CASK: variants seen among roughly 807,000 people sequenced by gnomAD.
CASK encodes the protein calcium/calmodulin dependent serine protein kinase.
In CASK, 4 loss-of-function variants were observed where a neutral mutation model predicts 82.9. The ratio of observed to expected loss-of-function variants is 0.05; its 90% CI spans 0.02 to 0.11. The LOEUF (loss-of-function observed/expected upper bound fraction) is 0.11. Ranked by LOEUF, CASK falls within the 10% of genes least tolerant of loss-of-function variation. The probability of loss-of-function intolerance (pLI) is 1.00; values close to 1 mark genes in which losing one functional copy is unlikely to be tolerated. For missense variants in CASK, 358 were observed against 720.9 expected (o/e 0.50, Z 5.76); for synonymous variants, 259 against 253.5 (o/e 1.02, Z -0.20).
chrX:41,634,308 A>G (rs865801759), intron 9 of CASK, among the ~76,000 whole-genome samples: 2 of 112,763 alleles, frequency 1.8e-5, no homozygotes, highest in Middle Eastern at 9.2e-3. Context: ...TAGGTGTAAC[A>G]TGTTTTAACA....
At chrX:41,578,874 C>T (rs2065522458) in intron 14 of CASK, among the ~76,000 whole-genome samples, 1 of 112,257 alleles carries the variant, frequency 8.9e-6, no homozygotes, top group Non-Finnish European at 1.9e-5. Context: ...GTAATATCGA[C>T]ATCCAACTAT....
In CASK at chrX:41,855,342, G is replaced by A. The variant is rs2071347619; in HGVS notation, c.60-2115C>T. 3.6e-5 allele frequency among the ~76,000 whole-genome samples: 4 copies of A among 111,789 alleles called. No individual in the cohort carries two copies. In the South Asian group the frequency reaches 1.5e-3, roughly 42 times the overall value. On this transcript the variant is annotated intron_variant, in intron 1 of 26. Coordinates refer to ENST00000378163, the MANE Select transcript of CASK (RefSeq NM_001367721.1). ...CTGAAGACCTGAAGACAGGTTACAA[G>A]TAAAGCATTTTAAGGGTCTGTCCGT...
Position 41,827,067 on chromosome X carries a change from A to T in CASK, c.172+26048T>A, listed in dbSNP as rs192944686. 1.5e-3 allele frequency among the ~76,000 whole-genome samples: 174 copies of T among 112,315 alleles called. 1 individual carries two copies. The highest frequency in any genetic ancestry group is 2.8e-3 in the Non-Finnish European group (147 of 53,296). Reference sequence around the variant, plus strand: ...GCATTTACTTTAAGAGAAAGATCTAAAAGAGATACCATATAAAATTGAAAT... The same window carrying T: ...GCATTTACTTTAAGAGAAAGATCTATAAGAGATACCATATAAAATTGAAAT... On this transcript the variant is annotated intron_variant, in intron 2 of 26. Transcript: ENST00000378163.
At chrX:41,670,994 A>G (rs746261078) in intron 6 of CASK, among the ~76,000 whole-genome samples, 1 of 112,554 alleles carries the variant, frequency 8.9e-6, no homozygotes, top group South Asian at 3.6e-4. Flanking sequence ...TTGCTAATAT[A>G]CAGGCTGATG....
intron 5 of CASK, among the ~76,000 whole-genome samples, chrX:41,734,886 G>T (rs1294736811): frequency 9.0e-6 from 1 of 111,701 alleles, no homozygotes. Context: ...AGGATTATAT[G>T]ATTGCTTTTT....
chrX:41,787,111 T>C, intron 3 of CASK, 67 bp downstream of exon 3: 1 of 648,683 alleles, frequency 1.5e-6, no homozygotes, highest in Non-Finnish European at 2.6e-6. Context: ...AAGAGAAAAG[T>C]GTTAGCATTA....
chrX:41,866,851 AAAC>A (rs1334759328), intron 1 of CASK, among the ~76,000 whole-genome samples: 1 of 111,458 alleles, frequency 9.0e-6, no homozygotes, highest in Non-Finnish European at 1.9e-5. Flanking sequence ...TTAGGGTCTC[AAAC>A]AACGATGTTT....
intron 5 of CASK, among the ~76,000 whole-genome samples, chrX:41,715,179 T>C (rs1223879993): frequency 8.9e-6 from 1 of 112,704 alleles, no homozygotes; most frequent in Non-Finnish European, 1.9e-5. Context: ...GTTTGATTTT[T>C]TTACTGACTC....
chrX:41,790,102 T>C, intron 2 of CASK: 1 of 481,301 alleles, frequency 2.1e-6, no homozygotes, highest in Non-Finnish European at 2.9e-6. Context: ...GCTAATTTTT[T>C]GCATTTTTAG....
At chrX:41,573,498 T>C (rs2065444060) in intron 15 of CASK, among the ~76,000 whole-genome samples, 1 of 111,506 alleles carries the variant, frequency 9.0e-6, no homozygotes, top group South Asian at 3.7e-4. Context: ...GATGCTCTTT[T>C]CATCTTTAAA....
At chrX:41,746,765 C>G (rs1426747103) in intron 3 of CASK, among the ~76,000 whole-genome samples, 1 of 111,755 alleles carries the variant, frequency 8.9e-6, no homozygotes, top group African/African-American at 3.3e-5. Flanking sequence ...ACTTCCTATT[C>G]ATGAGGCATC....
intron 9 of CASK, among the ~76,000 whole-genome samples, chrX:41,630,378 A>G (rs1431577503): frequency 1.8e-5 from 2 of 111,954 alleles, no homozygotes; most frequent in East Asian, 5.6e-4. Context: ...TGACTTGAAG[A>G]CAAAAACCAA....
chrX:41,699,012 T>C (rs926219220), intron 5 of CASK, among the ~76,000 whole-genome samples: 5 of 111,110 alleles, frequency 4.5e-5, no homozygotes, highest in African/African-American at 1.3e-4. Context: ...CTGCAACCTC[T>C]GTCTCCCGGG....
chrX:41,738,855 G>A (rs1347141142), intron 5 of CASK, among the ~76,000 whole-genome samples: 2 of 111,559 alleles, frequency 1.8e-5, no homozygotes, highest in Non-Finnish European at 3.8e-5. Context: ...TCATTAACCC[G>A]ATACTGGGAT....
intron 8 of CASK, among the ~76,000 whole-genome samples, chrX:41,659,096 G>A (rs762916279): frequency 1.8e-5 from 2 of 111,317 alleles, no homozygotes; most frequent in Admixed American, 1.9e-4. Context: ...TGATGATGCA[G>A]GAAGGGAGGA....
intron 5 of CASK, among the ~76,000 whole-genome samples, chrX:41,699,020 G>A (rs1015247056): frequency 9.0e-6 from 1 of 110,780 alleles, no homozygotes; most frequent in African/African-American, 3.3e-5. Flanking sequence ...TCTGTCTCCC[G>A]GGTTCAAGTG....
chrX:41,814,185 C>T (rs2070365536), intron 2 of CASK, among the ~76,000 whole-genome samples: 1 of 111,811 alleles, frequency 8.9e-6, no homozygotes, highest in Admixed American at 9.5e-5. Context: ...GTCAGTGTGG[C>T]GATTCCTCAA....
At chrX:41,590,506 T>C in intron 12 of CASK, among the ~76,000 whole-genome samples, 2 of 57,543 alleles carry the variant, frequency 3.5e-5, no homozygotes, top group African/African-American at 7.0e-5. Context: ...CGAGATTCCG[T>C]CTCCAAAAAA....
chrX:41,550,803 G>A (rs1478382501), intron 21 of CASK, among the ~76,000 whole-genome samples: 2 of 110,282 alleles, frequency 1.8e-5, no homozygotes, highest in African/African-American at 6.6e-5. Flanking sequence ...CCCAGCTACT[G>A]GGAAGGCTGA....
Sources: allele counts gnomAD v4.1 joint callset (sites outside exome capture counted in the v4.1 genomes callset), GRCh38; gene constraint gnomAD v4.1.1; transcripts MANE v1.5; gene names NCBI Gene and HGNC (gene_info 2026-07-23, HGNC 2026-07-21).